The following R3HDM1 variants were observed in gnomAD, a reference collection of about 807,000 sequenced individuals.
R3HDM1 encodes the protein R3H domain-containing protein 1.
Under a neutral mutation model 141.1 loss-of-function variants are expected in R3HDM1, and 46 were observed. The ratio of observed to expected loss-of-function variants is 0.33; its 90% CI spans 0.26 to 0.42. R3HDM1 has a LOEUF of 0.42. Ranked by LOEUF, R3HDM1 falls within the 10% of genes least tolerant of loss-of-function variation. The probability of loss-of-function intolerance (pLI) is 1.00; values close to 1 mark genes in which losing one functional copy is unlikely to be tolerated. For synonymous variants in R3HDM1, 435 were observed against 472.9 expected, an observed-to-expected ratio of 0.92 and a Z score of 1.04; for missense variants, 1,184 against 1,368.3, an observed-to-expected ratio of 0.87 and a Z score of 2.12.
At chr2:135,634,361 C>T (rs534196606) in intron 9 of R3HDM1, among the ~76,000 whole-genome samples, 1 of 152,246 alleles carries the variant, frequency 6.6e-6, no homozygotes, top group East Asian at 1.9e-4. Flanking sequence ...GGTTCTAGGG[C>T]CAGGCGCAAT....
rs1283081323 is a variant in R3HDM1, at chr2:135,724,834, C to CA, written c.*548dup. On this transcript the variant is annotated 3_prime_UTR_variant, in exon 27 of 27. Transcript: ENST00000683871. Reference sequence around the variant, plus strand: ...AATCTCTAAACTCAGAAACAATTACCAAAAAATACATAACTCTTCCTTGTA... The same window carrying CA: ...AATCTCTAAACTCAGAAACAATTACCAAAAAAATACATAACTCTTCCTTGTA... The CA allele has an allele frequency of 6.6e-6, 1 of 152,560 alleles. No homozygotes were observed. The highest frequency in any genetic ancestry group is 2.4e-5 in the African/African-American group (1 of 41,404). 9.5% of individuals were successfully genotyped at this position (152,560 alleles called of 1,614,324 possible).
intron 19 of R3HDM1, chr2:135,669,084 C>T (rs1297262899): frequency 7.4e-6 from 7 of 943,366 alleles, no homozygotes; most frequent in Non-Finnish European, 7.6e-6. Flanking sequence ...ACTGTTTTGC[C>T]TAGACTGGAG....
chr2:135,649,193 G>A (rs1257115859), intron 16 of R3HDM1: 1 of 151,954 alleles, frequency 6.6e-6, no homozygotes, highest in African/African-American at 2.4e-5. Flanking sequence ...AGCCTCCCGA[G>A]TAGCTGGGCT....
intron 23 of R3HDM1, among the ~76,000 whole-genome samples, chr2:135,711,459 C>G (rs989558136): frequency 6.6e-6 from 1 of 150,670 alleles, no homozygotes; most frequent in Non-Finnish European, 1.5e-5. Context: ...CGCAGGAGTT[C>G]GAGACCAGCC....
At position 135,672,240 on chromosome 2, in the gene R3HDM1, TCA is replaced by T. The variant is rs1158411250; in HGVS notation, c.2153-3089_2153-3088del. ...TAAGATATTAGTGTTTTTTCTCCTT[TCA>T]CAGTCTTTAAAATCTAGAACTTCCT... On this transcript the variant is annotated intron_variant, in intron 19 of 26. Coordinates refer to ENST00000683871, the MANE Select transcript of R3HDM1 (RefSeq NM_001378107.1). Among the ~76,000 whole-genome samples, 4 of 152,338 alleles carry T rather than the reference TCA, an allele frequency of 2.6e-5. No individual in the cohort carries two copies. In the East Asian group the frequency reaches 7.7e-4, roughly 29 times the overall value.
At chr2:135,669,468 A>T (rs1307458305) in intron 19 of R3HDM1, 1 of 984,476 alleles carries the variant, frequency 1.0e-6, no homozygotes, top group African/African-American at 1.7e-5. Flanking sequence ...CCTGTAATTA[A>T]GTTTATCTTG....
intron 24 of R3HDM1, 111 bp from the exon 25 acceptor site, chr2:135,721,813 C>T (rs1345989217): frequency 2.2e-5 from 18 of 812,262 alleles, no homozygotes; most frequent in South Asian, 1.8e-4. Context: ...GTCTCGAACT[C>T]CTGGCCTTAA....
intron 21 of R3HDM1, among the ~76,000 whole-genome samples, chr2:135,707,883 ATC>A (rs765575460): frequency 3.3e-5 from 5 of 152,184 alleles, no homozygotes; most frequent in South Asian, 2.1e-4. Context: ...CTCCCTTTAT[ATC>A]TCTTTTTCCC....
chr2:135,665,485 T>G (rs1438081856), intron 19 of R3HDM1: 1 of 532,910 alleles, frequency 1.9e-6, no homozygotes, highest in East Asian at 5.5e-5. Flanking sequence ...CTTCCTGGCT[T>G]CTTTTTACTC....
intron 1 of R3HDM1, among the ~76,000 whole-genome samples, chr2:135,542,629 G>A (rs947500622): frequency 6.6e-6 from 1 of 152,286 alleles, no homozygotes; most frequent in African/African-American, 2.4e-5. Context: ...CATATTATCT[G>A]TAAGATGAAA....
chr2:135,541,169 G>T (rs13415926), intron 1 of R3HDM1, among the ~76,000 whole-genome samples: 1 of 151,918 alleles, frequency 6.6e-6, no homozygotes, highest in Non-Finnish European at 1.5e-5. Context: ...TTAAATGAGC[G>T]CTGTCTTCAA....
chr2:135,557,849 G>C (rs929171160), intron 1 of R3HDM1, among the ~76,000 whole-genome samples: 3 of 152,164 alleles, frequency 2.0e-5, no homozygotes, highest in African/African-American at 7.2e-5. Flanking sequence ...AGGTATTCAA[G>C]AGACAAAAAT....
At chr2:135,656,005 C>G (rs941011848) in intron 18 of R3HDM1, among the ~76,000 whole-genome samples, 26 of 152,046 alleles carry the variant, frequency 1.7e-4, no homozygotes, top group African/African-American at 6.3e-4. Flanking sequence ...TTCGTTTACT[C>G]TGGTCATCAT....
At chr2:135,556,808 G>A (rs369594772) in intron 1 of R3HDM1, among the ~76,000 whole-genome samples, 4 of 151,936 alleles carry the variant, frequency 2.6e-5, no homozygotes, top group East Asian at 1.9e-4. Flanking sequence ...ATGAGCCACC[G>A]GGCCTAGCCC....
At chr2:135,712,570 C>G (rs1189636986) in intron 23 of R3HDM1, among the ~76,000 whole-genome samples, 7 of 151,824 alleles carry the variant, frequency 4.6e-5, no homozygotes, top group African/African-American at 1.7e-4. Context: ...CTTTACCCAG[C>G]CAGGTTTTAA....
chr2:135,628,305 G>A (rs1431612291), intron 7 of R3HDM1, among the ~76,000 whole-genome samples: 1 of 152,074 alleles, frequency 6.6e-6, no homozygotes, highest in Non-Finnish European at 1.5e-5. Context: ...CCTTAGGAAA[G>A]TTGTCATTCT....
chr2:135,638,754 T>C lies in R3HDM1; in HGVS notation c.957T>C (p.Asp319=), dbSNP rs1470266706. ...ATGCCAACAGACTCCAAGACGAGGA[T>C]GCCAGTAGTACCCAGCAGAGGCGCC... is the stretch of plus-strand genomic sequence containing the variant. The part of the protein sequence containing the change: ...YIIDKRLQDE[D]ASSTQQRRQI... Residue 319 remains aspartate (D), a synonymous_variant, in exon 13 of 27, where the codon GAT becomes GAC. Coordinates refer to ENST00000683871, the MANE Select transcript of R3HDM1 (RefSeq NM_001378107.1). 1.9e-6 allele frequency: 3 copies of C among 1,614,114 alleles called. No individual in the cohort carries two copies. In the African/African-American group the frequency reaches 4.0e-5, roughly 22 times the overall value.
chr2:135,576,690 T>C (rs576376663), intron 1 of R3HDM1, among the ~76,000 whole-genome samples: 2 of 152,322 alleles, frequency 1.3e-5, no homozygotes, highest in South Asian at 4.1e-4. Context: ...AAAGCAGTGA[T>C]ACATGCTACA....
intron 6 of R3HDM1, 140 bp from the exon 7 acceptor site, chr2:135,622,514 G>T: frequency 7.5e-7 from 1 of 1,330,028 alleles, no homozygotes; most frequent in Non-Finnish European, 9.7e-7. Context: ...TGATTTCATT[G>T]TAACTTTTCC....
Sources: allele counts gnomAD v4.1 joint callset (sites outside exome capture counted in the v4.1 genomes callset), GRCh38; gene constraint gnomAD v4.1.1; transcripts MANE v1.5; gene names NCBI Gene and HGNC (gene_info 2026-07-23, HGNC 2026-07-21).